RAB7A: variants seen among roughly 807,000 people sequenced by gnomAD.
RAB7A encodes the protein RAB7A, member RAS oncogene family.
A neutral mutation model predicts 24.5 loss-of-function variants in RAB7A; 2 were observed. That is an observed-to-expected ratio of 0.08 (90% confidence interval 0.03 to 0.26). RAB7A has a LOEUF of 0.26. Among genes scored for constraint, RAB7A ranks in the 10% least tolerant of loss-of-function variants. The pLI, the probability that RAB7A is intolerant of heterozygous loss-of-function variation, is 1.00. For synonymous variants in RAB7A, 100 were observed against 95.9 expected, an observed-to-expected ratio of 1.04 and a Z score of -0.25; for missense variants, 118 against 255.7, an observed-to-expected ratio of 0.46 and a Z score of 3.67.
At chr3:128,785,109 T>C (rs550219970) in intron 1 of RAB7A, 2 of 152,252 alleles carry the variant, frequency 1.3e-5, no homozygotes, top group Admixed American at 1.3e-4. Flanking sequence ...TAGAGCTTCT[T>C]AACTCTGTAG....
intron 5 of RAB7A, among the ~76,000 whole-genome samples, chr3:128,809,459 A>C (rs891152627): frequency 6.6e-6 from 1 of 152,146 alleles, no homozygotes; most frequent in South Asian, 2.1e-4. Flanking sequence ...TCTCTGCTGC[A>C]CACAGCCGGC....
At chr3:128,729,316 A>G (rs1343082321) in intron 1 of RAB7A, among the ~76,000 whole-genome samples, 1 of 152,184 alleles carries the variant, frequency 6.6e-6, no homozygotes, top group Non-Finnish European at 1.5e-5. Context: ...CACGCCTGTA[A>G]TCCCAGCACT....
intron 1 of RAB7A, among the ~76,000 whole-genome samples, chr3:128,747,264 C>G (rs2107589299): frequency 6.6e-6 from 1 of 151,296 alleles, no homozygotes; most frequent in South Asian, 2.1e-4. Context: ...TGTACTCCAG[C>G]CTGGGTGACA....
At chr3:128,768,481 T>G (rs537120393) in intron 1 of RAB7A, among the ~76,000 whole-genome samples, 1 of 152,232 alleles carries the variant, frequency 6.6e-6, no homozygotes, top group African/African-American at 2.4e-5. Flanking sequence ...GGTAGGCATA[T>G]GCTTTAACTT....
At chr3:128,728,128 G>A (rs1001066065) in intron 1 of RAB7A, among the ~76,000 whole-genome samples, 1 of 152,184 alleles carries the variant, frequency 6.6e-6, no homozygotes, top group African/African-American at 2.4e-5. Context: ...GTGGGACATT[G>A]ACTCAGGGAG....
intron 1 of RAB7A, among the ~76,000 whole-genome samples, chr3:128,774,048 C>A (rs1933020280): frequency 6.7e-6 from 1 of 149,596 alleles, no homozygotes. Flanking sequence ...CCAAATCCCC[C>A]TCTGCGAGAA....
At chr3:128,774,417 T>G (rs1576289193) in intron 1 of RAB7A, among the ~76,000 whole-genome samples, 1 of 151,860 alleles carries the variant, frequency 6.6e-6, no homozygotes, top group East Asian at 1.9e-4. Context: ...TCAACCAGTC[T>G]TCCAGTCAGT....
intron 3 of RAB7A, among the ~76,000 whole-genome samples, chr3:128,805,437 A>G (rs759751851): frequency 2.0e-5 from 3 of 152,120 alleles, no homozygotes; most frequent in Admixed American, 6.6e-5. Context: ...CTAGGGCAGT[A>G]AGTATACCCA....
At chr3:128,801,232 C>T (rs1439075204) in intron 3 of RAB7A, among the ~76,000 whole-genome samples, 4 of 152,126 alleles carry the variant, frequency 2.6e-5, no homozygotes, top group African/African-American at 7.2e-5. Context: ...ATGCTGGATG[C>T]GGTGGCTCAT....
chr3:128,753,638 A>G (rs2070706748), intron 1 of RAB7A, among the ~76,000 whole-genome samples: 1 of 152,162 alleles, frequency 6.6e-6, no homozygotes, highest in South Asian at 2.1e-4. Flanking sequence ...CAGCAGATAC[A>G]GTGTTTGATA....
At chr3:128,771,519 T>C (rs1932935440) in intron 1 of RAB7A, among the ~76,000 whole-genome samples, 1 of 152,244 alleles carries the variant, frequency 6.6e-6, no homozygotes, top group South Asian at 2.1e-4. Flanking sequence ...ATACCACTTA[T>C]TGGTAATGTA....
At chr3:128,791,585 A>G (rs1933453373) in intron 1 of RAB7A, among the ~76,000 whole-genome samples, 1 of 152,146 alleles carries the variant, frequency 6.6e-6, no homozygotes, top group African/African-American at 2.4e-5. Flanking sequence ...GCAGAACATA[A>G]CATTTGTTTC....
chr3:128,793,928 G>A (rs1933514323), intron 1 of RAB7A, among the ~76,000 whole-genome samples: 1 of 152,176 alleles, frequency 6.6e-6, no homozygotes, highest in Non-Finnish European at 1.5e-5. Context: ...CCATCCTCTA[G>A]TCTGGCTCCT....
At chr3:128,796,921 C>G (rs1323766307) in intron 2 of RAB7A, among the ~76,000 whole-genome samples, 1 of 152,200 alleles carries the variant, frequency 6.6e-6, no homozygotes, top group Non-Finnish European at 1.5e-5. Context: ...GTCTCGACCT[C>G]CCAAAGTGCT....
At chr3:128,780,487 C>T (rs1036993004) in intron 1 of RAB7A, among the ~76,000 whole-genome samples, 11 of 152,142 alleles carry the variant, frequency 7.2e-5, no homozygotes, top group African/African-American at 2.7e-4. Context: ...CTTGTACTTA[C>T]CAGCTTATAG....
At position 128,807,443 on chromosome 3, in the gene RAB7A, A is replaced by G. The variant is rs2107616013; in HGVS notation, c.400-100A>G. ...TCCCCATGTCTGTGTCCTCACCTGT[A>G]CTACCTGTAGACGAGGGGCCATGAC... On this transcript the variant is annotated intron_variant, in intron 4 of 5. Transcript: ENST00000265062. 1.3e-5 allele frequency: 20 copies of G among 1,556,082 alleles called. No individual in the cohort carries two copies. In the South Asian group the frequency reaches 1.9e-4, roughly 15 times the overall value.
chr3:128,755,031 C>T (rs2070717886), intron 1 of RAB7A, among the ~76,000 whole-genome samples: 2 of 152,152 alleles, frequency 1.3e-5, no homozygotes, highest in African/African-American at 2.4e-5. Context: ...CAGACATACA[C>T]GGGGCATTCT....
In RAB7A at chr3:128,813,214, C is replaced by T. The variant is rs183036870; in HGVS notation, c.529-113C>T. On this transcript the variant is annotated intron_variant, in intron 5 of 5. Coordinates refer to ENST00000265062, the MANE Select transcript of RAB7A (RefSeq NM_004637.6). ...GGGCAGGCTCTGCTTCACAGCTCCCCGCCCACTCTGCCCAAGCAGAAGTGA... is the reference window on the plus strand; with the variant it reads ...GGGCAGGCTCTGCTTCACAGCTCCCTGCCCACTCTGCCCAAGCAGAAGTGA... 5.8e-4 allele frequency: 571 copies of T among 988,476 alleles called. 7 individuals are homozygous for T. The highest frequency in any genetic ancestry group is 3.3e-3 in the South Asian group (256 of 77,952). The allele number at this position is 988,476 out of a possible 1,614,324, so 61.2% of individuals were successfully genotyped here. A position where few individuals can be genotyped will look rare whatever the true frequency, so the allele number is the denominator to read the frequency against.
chr3:128,795,710 A>ACGTAGAT (rs1283464765), intron 2 of RAB7A, among the ~76,000 whole-genome samples: 1 of 142,356 alleles, frequency 7.0e-6, no homozygotes, highest in Non-Finnish European at 1.5e-5. Context: ...AGTCTTCCTT[A>ACGTAGAT]CGTAGATGTA....
Sources: allele counts gnomAD v4.1 joint callset (sites outside exome capture counted in the v4.1 genomes callset), GRCh38; gene constraint gnomAD v4.1.1; transcripts MANE v1.5; gene names NCBI Gene and HGNC (gene_info 2026-07-23, HGNC 2026-07-21).